The following MICAL2 variants were observed in gnomAD, a reference collection of about 807,000 sequenced individuals.
MICAL2 encodes the protein microtubule associated monooxygenase, calponin and LIM domain containing 2, also known as [F-actin]-monooxygenase MICAL2.
In MICAL2, 77 loss-of-function variants were observed where a neutral mutation model predicts 127.3. That is an observed-to-expected ratio of 0.60 (90% CI 0.50 to 0.73). The LOEUF (loss-of-function observed/expected upper bound fraction) is 0.73, where lower values mean the gene tolerates loss of function less well. MICAL2 is among the 30% of genes least tolerant of loss of function. The probability of loss-of-function intolerance (pLI) is 0.00; values close to 1 mark genes in which losing one functional copy is unlikely to be tolerated. For missense variants in MICAL2, 1,351 were observed against 1,434.4 expected, an observed-to-expected ratio of 0.94 and a Z score of 0.94; for synonymous variants, 570 against 551.1, an observed-to-expected ratio of 1.03 and a Z score of -0.48.
intron 31 of MICAL2, among the ~76,000 whole-genome samples, chr11:12,325,357 A>G (rs992514823): frequency 1.1e-4 from 17 of 151,914 alleles, no homozygotes; most frequent in Non-Finnish European, 2.5e-4. Context: ...TGATCCTCCC[A>G]CCACATTTTC....
At chr11:12,294,300 G>A (rs1390518464), downstream of MICAL2, 2 of 1,614,168 alleles carry the variant, frequency 1.2e-6, no homozygotes, top group South Asian at 2.2e-5. Context: ...AACTCTGAAG[G>A]CGGGAAGAAG....
At chr11:12,180,457 G>T (rs925436531) in intron 3 of MICAL2, among the ~76,000 whole-genome samples, 47 of 151,982 alleles carry the variant, frequency 3.1e-4, no homozygotes, top group African/African-American at 1.0e-3. Flanking sequence ...ATGATCTCTT[G>T]TGCTGAAGGA....
intron 4 of MICAL2, among the ~76,000 whole-genome samples, chr11:12,206,906 A>G (rs1489090172): frequency 1.3e-5 from 2 of 151,866 alleles, no homozygotes; most frequent in Non-Finnish European, 2.9e-5. Context: ...CCCTCATGCC[A>G]GCCCTCCAGC....
intron 2 of MICAL2, among the ~76,000 whole-genome samples, chr11:12,152,363 C>A (rs1853692092): frequency 6.7e-6 from 1 of 149,408 alleles, no homozygotes; most frequent in African/African-American, 2.5e-5. Flanking sequence ...AAGACTACAT[C>A]CTGATGTGGT....
downstream of MICAL2, chr11:12,293,552 C>T: frequency 6.4e-7 from 1 of 1,568,976 alleles, no homozygotes; most frequent in South Asian, 1.2e-5. Flanking sequence ...TTTTGCCCAT[C>T]CCATCTAGAT....
intron 29 of MICAL2, among the ~76,000 whole-genome samples, chr11:12,311,799 G>C (rs1864177420): frequency 6.6e-6 from 1 of 152,184 alleles, no homozygotes; most frequent in Non-Finnish European, 1.5e-5. Context: ...TTCTCTGGAA[G>C]AGCTTTTTGT....
downstream of MICAL2, among the ~76,000 whole-genome samples, chr11:12,265,477 G>A (rs2134743339): frequency 6.6e-6 from 1 of 152,218 alleles, no homozygotes; most frequent in South Asian, 2.1e-4. Flanking sequence ...ACACCACACA[G>A]GGAAAACATG....
At chr11:12,337,287 A>G (rs1327613002) in intron 32 of MICAL2, among the ~76,000 whole-genome samples, 2 of 152,080 alleles carry the variant, frequency 1.3e-5, no homozygotes, top group Non-Finnish European at 2.9e-5. Flanking sequence ...TTTCTGTGGG[A>G]TCGGTGGTGA....
rs750823840 is a variant in MICAL2 at position 12,328,098 on chromosome 11, A to G, written c.5515+832A>G. ...ACATTGCCTGGCCCAAGGTAAAGCA[A>G]TAAGTGGTAACTTTTCCAGTAATAG... is the stretch of plus-strand genomic sequence containing the variant. On this transcript the variant is annotated intron_variant, in intron 32 of 34. Coordinates refer to the MICAL2 transcript ENST00000646065. 2.0e-5 allele frequency among the ~76,000 whole-genome samples: 3 copies of G among 152,232 alleles called. 1 individual carries two copies. The highest frequency in any genetic ancestry group is 7.2e-5 in the African/African-American group (3 of 41,460).
chr11:12,354,918 G>A (rs1428756692), intron 34 of MICAL2: 9 of 1,509,216 alleles, frequency 6.0e-6, no homozygotes, highest in Non-Finnish European at 7.3e-6. Flanking sequence ...AGCAGCGTGT[G>A]CCACAAATCC....
At chr11:12,328,888 G>T (rs1053652571) in intron 32 of MICAL2, among the ~76,000 whole-genome samples, 1 of 152,134 alleles carries the variant, frequency 6.6e-6, no homozygotes, top group African/African-American at 2.4e-5. Flanking sequence ...AATTGTGAGG[G>T]CTGCTTCCAG....
chr11:12,292,285 C>T (rs778274397), downstream of MICAL2: 32 of 1,613,920 alleles, frequency 2.0e-5, no homozygotes, highest in East Asian at 4.5e-5. Flanking sequence ...CAGATGGTTC[C>T]TCCCCGCCTC....
At chr11:12,208,281 G>GT (rs3214983) in intron 5 of MICAL2, 142 bp downstream of exon 5, 3,122 of 547,268 alleles carry the variant, frequency 5.7e-3, no homozygotes, top group Middle Eastern at 0.011. Flanking sequence ...GTATTTTACT[G>GT]TTTTTTTTTT....
chr11:12,223,479 A>C lies in MICAL2; in HGVS notation c.1518A>C (p.Arg506Ser). The C allele has an allele frequency of 6.2e-7, 1 of 1,613,882 alleles. No individual in the cohort carries two copies. The highest frequency in any genetic ancestry group is 8.5e-7 in the Non-Finnish European group (1 of 1,179,982). The change falls in exon 12 of 28, where the codon AGA becomes AGC. Residue 506 changes from arginine to serine, a missense_variant. Physicochemically the swap from Arg to Ser is moderately radical, Grantham distance 110 (BLOSUM62 -1). This residue lies in a region of MICAL2 where 599 missense variants were observed against 714.9 expected (regional missense o/e 0.84). Transcript: ENST00000683283. ...YPLERLGSVR[R>S]SVNLSRKESD... ...TCGAGAGACTGGGCTCGGTGAGGAG[A>C]TCTGTCAACCTCTCCAGGAAGGGTA...
In MICAL2 at chr11:12,262,161, A is replaced by T. The variant is rs541265958; in HGVS notation, c.3335-319A>T. ...GACACCCAGGGGTGGACCCCCGAGG[A>T]TGAATGCCTCTAGGCCTCCGCAACA... On this transcript the variant is annotated intron_variant, in intron 26 of 27. Coordinates refer to ENST00000683283, the MANE Select transcript of MICAL2 (RefSeq NM_001282663.2). 2.3e-5 allele frequency: 28 copies of T among 1,218,092 alleles called. No homozygotes were observed. In the Admixed American group the frequency reaches 1.1e-3, roughly 48 times the overall value. 75.5% of individuals were successfully genotyped at this position (1,218,092 alleles called of 1,614,324 possible). A position where few individuals can be genotyped will look rare whatever the true frequency, so the allele number is the denominator to read the frequency against.
At chr11:12,199,741 C>G (rs1334495655) in intron 3 of MICAL2, among the ~76,000 whole-genome samples, 1 of 152,196 alleles carries the variant, frequency 6.6e-6, no homozygotes, top group East Asian at 1.9e-4. Flanking sequence ...CACCATCCCC[C>G]CATCCTGACC....
At chr11:12,241,787 C>T (rs1309100150) in intron 18 of MICAL2, among the ~76,000 whole-genome samples, 1 of 152,144 alleles carries the variant, frequency 6.6e-6, no homozygotes, top group Non-Finnish European at 1.5e-5. Flanking sequence ...TGAGTAAGGT[C>T]GGTGTGACTA....
chr11:12,339,014 T>A (rs1363231226), intron 32 of MICAL2, among the ~76,000 whole-genome samples: 3 of 152,234 alleles, frequency 2.0e-5, no homozygotes, highest in Admixed American at 1.3e-4. Context: ...CTTGCTAGAT[T>A]GGGGAAGTTC....
downstream of MICAL2, among the ~76,000 whole-genome samples, chr11:12,290,183 A>G (rs11606810): frequency 0.067 from 10,242 of 152,264 alleles, 754 homozygotes; most frequent in African/African-American, 0.18. Flanking sequence ...TGCTTCCCCC[A>G]TCTCCTCAAG....
Sources: gnomAD v4.1 joint callset for allele counts (sites outside exome capture counted in the v4.1 genomes callset) on GRCh38, gnomAD v4.1.1 for gene constraint, gnomAD v4.1.1 regional missense constraint, MANE v1.5 for transcripts, NCBI Gene and HGNC (gene_info 2026-07-23, HGNC 2026-07-21) for gene names.